The following DMD variants were observed in gnomAD, a reference collection of about 807,000 sequenced individuals.
The protein encoded by DMD is mutant dystrophin.
A neutral mutation model predicts 330.1 loss-of-function variants in DMD; 63 were observed. The observed-to-expected ratio is 0.19, with a 90% CI of 0.16 to 0.24. The LOEUF (loss-of-function observed/expected upper bound fraction) is 0.24, where lower values mean the gene tolerates loss of function less well. DMD is among the 10% of genes least tolerant of loss of function. The pLI, the probability that DMD is intolerant of heterozygous loss-of-function variation, is 1.00. For missense variants in DMD, 3,344 were observed against 2,684.1 expected, an observed-to-expected ratio of 1.25 and a Z score of -5.43; for synonymous variants, 1,223 against 959.8, an observed-to-expected ratio of 1.27 and a Z score of -5.07.
intron 60 of DMD, among the ~76,000 whole-genome samples, chrX:31,410,919 G>GTT (rs1364981532): frequency 1.2e-5 from 1 of 85,971 alleles, no homozygotes; most frequent in African/African-American, 4.9e-5. Flanking sequence ...TTCTGTGTGT[G>GTT]TGTTTTTTTT....
chrX:31,637,961 T>A (rs1410070819), intron 54 of DMD, among the ~76,000 whole-genome samples: 3 of 111,664 alleles, frequency 2.7e-5, no homozygotes, highest in Non-Finnish European at 5.7e-5. Flanking sequence ...GTATCTTTCA[T>A]CAAATTTTAT....
At chrX:31,247,156 G>A (rs912908447) in intron 63 of DMD, among the ~76,000 whole-genome samples, 1 of 111,683 alleles carries the variant, frequency 9.0e-6, no homozygotes, top group African/African-American at 3.3e-5. Flanking sequence ...AGAGATTCAC[G>A]TTTTCATGCC....
At chrX:31,812,524 G>A (rs1456714497) in intron 50 of DMD, among the ~76,000 whole-genome samples, 2 of 109,066 alleles carry the variant, frequency 1.8e-5, no homozygotes, top group Admixed American at 9.8e-5. Flanking sequence ...ATATGTAACA[G>A]ACCTGCACAT....
chrX:31,664,514 C>G lies in DMD; in HGVS notation c.7873-6370G>C, dbSNP rs190678033. On this transcript the variant is annotated intron_variant, in intron 53 of 78. Transcript: ENST00000357033. ...CCACTCTTTTGGTCGCCTCTGTATT[C>G]TCTGAGTGTTCAAGCTTTTTTTTTT... 7.2e-3 allele frequency among the ~76,000 whole-genome samples: 679 copies of G among 94,701 alleles called. 4 individuals are homozygous for G. Among genetic ancestry groups the G allele is most frequent in the Non-Finnish European group, 0.011 (519 of 49,388 alleles). 82.2% of individuals were successfully genotyped at this position (94,701 alleles called of 115,157 possible).
intron 47 of DMD, among the ~76,000 whole-genome samples, chrX:31,886,683 C>G (rs1289446441): frequency 1.8e-5 from 2 of 111,539 alleles, no homozygotes; most frequent in African/African-American, 6.5e-5. Context: ...TGAATTGGGT[C>G]TTCTCATTAC....
chrX:31,694,645 TATATACAC>T (rs2083335323), intron 52 of DMD, among the ~76,000 whole-genome samples: 1 of 91,878 alleles, frequency 1.1e-5, no homozygotes, highest in African/African-American at 4.3e-5. Flanking sequence ...TATATATATA[TATATACAC>T]ACACATATAT....
intron 43 of DMD, among the ~76,000 whole-genome samples, chrX:32,266,344 C>G (rs2097344467): frequency 8.9e-6 from 1 of 112,212 alleles, no homozygotes; most frequent in African/African-American, 3.2e-5. Context: ...AATTAAACCT[C>G]TGTCCTTTAT....
chrX:32,746,554 G>C (rs1327272934), intron 7 of DMD, among the ~76,000 whole-genome samples: 1 of 111,519 alleles, frequency 9.0e-6, no homozygotes, highest in Non-Finnish European at 1.9e-5. Flanking sequence ...CCAGAAATCT[G>C]TGTTTTCTTT....
chrX:32,252,677 A>AATATATATAAATATATATAAAT (rs766322442), intron 43 of DMD, among the ~76,000 whole-genome samples: 3 of 33,576 alleles, frequency 8.9e-5, no homozygotes, highest in Admixed American at 1.1e-3. Context: ...TATATATATA[A>AATATATATAAATATATATAAAT]ATATATAAAT....
chrX:31,249,155 G>A (rs1035910419), intron 63 of DMD, among the ~76,000 whole-genome samples: 1 of 111,750 alleles, frequency 8.9e-6, no homozygotes, highest in African/African-American at 3.3e-5. Flanking sequence ...ACCATATAAG[G>A]CTTTTCACAG....
At chrX:32,196,602 A>G (rs999397685) in intron 44 of DMD, among the ~76,000 whole-genome samples, 1 of 111,799 alleles carries the variant, frequency 8.9e-6, no homozygotes, top group African/African-American at 3.3e-5. Context: ...CTTATAAAAT[A>G]TCTCCAATGT....
chrX:32,742,008 A>G (rs2148188812), intron 7 of DMD, among the ~76,000 whole-genome samples: 1 of 111,788 alleles, frequency 8.9e-6, no homozygotes, highest in South Asian at 3.8e-4. Flanking sequence ...ATATATTTTT[A>G]GAATGTGTGT....
At chrX:31,519,736 A>C (rs2072574820) in intron 55 of DMD, among the ~76,000 whole-genome samples, 1 of 112,436 alleles carries the variant, frequency 8.9e-6, no homozygotes, top group African/African-American at 3.2e-5. Context: ...CACAGCATAG[A>C]GATATTAACC....
intron 44 of DMD, among the ~76,000 whole-genome samples, chrX:32,091,036 A>AT (rs748929497): frequency 9.8e-5 from 11 of 112,314 alleles, no homozygotes; most frequent in Admixed American, 1.9e-4. Context: ...GGCCATGCCC[A>AT]TTTTTTTATG....
intron 2 of DMD, among the ~76,000 whole-genome samples, chrX:32,949,279 C>T (rs751639308): frequency 2.0e-5 from 2 of 100,707 alleles, no homozygotes; most frequent in South Asian, 4.1e-4. Context: ...CACACACACA[C>T]ACACACACAC....
At chrX:32,938,076 T>C (rs1042002381) in intron 2 of DMD, among the ~76,000 whole-genome samples, 1 of 111,293 alleles carries the variant, frequency 9.0e-6, no homozygotes, top group Non-Finnish European at 1.9e-5. Context: ...AACGCAGATA[T>C]CACTGTTTGT....
At chrX:31,400,653 C>T (rs1236988895) in intron 60 of DMD, among the ~76,000 whole-genome samples, 3 of 110,727 alleles carry the variant, frequency 2.7e-5, no homozygotes, top group Admixed American at 9.7e-5. Flanking sequence ...ACAGAGGGAA[C>T]GAAAAAAATC....
chrX:31,807,547 AAAAAG>A (rs757551741), intron 50 of DMD, among the ~76,000 whole-genome samples: 303 of 111,009 alleles, frequency 2.7e-3, no homozygotes, highest in Non-Finnish European at 4.5e-3. Context: ...GAGGAGCCAA[AAAAAG>A]AAAAGAAAAG....
At chrX:32,146,105 G>A (rs887204075) in intron 44 of DMD, among the ~76,000 whole-genome samples, 10 of 112,000 alleles carry the variant, frequency 8.9e-5, no homozygotes, top group Non-Finnish European at 1.5e-4. Context: ...CTACTGTTTA[G>A]GACATCTCTT....
Sources: gnomAD v4.1 joint callset for allele counts (sites outside exome capture counted in the v4.1 genomes callset) on GRCh38, gnomAD v4.1.1 for gene constraint, MANE v1.5 for transcripts, NCBI Gene and HGNC (gene_info 2026-07-23, HGNC 2026-07-21) for gene names.